Variants in SATL1 observed in about 807,000 individuals in gnomAD.
The protein encoded by SATL1 is spermidine/spermine N1-acetyl transferase like 1, also known as spermidine/spermine N(1)-acetyltransferase-like protein 1.
SATL1 carries 47 observed loss-of-function variants against 51.8 expected under a neutral mutation model. The observed-to-expected ratio is 0.91, with a 90% CI of 0.72 to 1.16. The LOEUF is 1.16. Among genes scored for constraint, SATL1 ranks in the 50% most tolerant of loss-of-function variants. The pLI is 0.00. For synonymous variants in SATL1, 176 were observed against 182.4 expected, an observed-to-expected ratio of 0.97 and a Z score of 0.28; for missense variants, 520 against 526.4, an observed-to-expected ratio of 0.99 and a Z score of 0.12.
intron 2 of SATL1, among the ~76,000 whole-genome samples, chrX:85,132,773 C>A (rs1925843110): frequency 8.9e-6 from 1 of 112,083 alleles, no homozygotes; most frequent in East Asian, 2.8e-4. Flanking sequence ...TCTGGTTTCT[C>A]CTCATCTTTG....
chrX:85,212,992 T>G (rs892894405), intron 2 of SATL1: 1 of 112,068 alleles, frequency 8.9e-6, no homozygotes, highest in Non-Finnish European at 1.9e-5. Flanking sequence ...AAGTTTAGTT[T>G]ATATGACTCA....
intron 2 of SATL1, among the ~76,000 whole-genome samples, chrX:85,169,106 A>G (rs746138127): frequency 8.9e-6 from 1 of 112,558 alleles, no homozygotes; most frequent in South Asian, 3.6e-4. Context: ...CTTACACCAT[A>G]CACAAAAATA....
At chrX:85,130,908 A>G (rs952461746) in intron 2 of SATL1, among the ~76,000 whole-genome samples, 1 of 111,768 alleles carries the variant, frequency 8.9e-6, no homozygotes, top group Non-Finnish European at 1.9e-5. Flanking sequence ...TTATTTACCC[A>G]GTAGTCATTT....
chrX:85,153,929 T>C (rs1294808619), intron 2 of SATL1: 4 of 111,845 alleles, frequency 3.6e-5, no homozygotes, highest in Admixed American at 2.9e-4. Flanking sequence ...AATTTCTAAA[T>C]ACCTTGAGAA....
intron 2 of SATL1, among the ~76,000 whole-genome samples, chrX:85,149,858 A>G (rs1164064380): frequency 1.8e-5 from 2 of 112,211 alleles, no homozygotes; most frequent in African/African-American, 6.5e-5. Flanking sequence ...CACAAGAGAA[A>G]GCAGGAAAGA....
At chrX:85,166,670 T>G (rs1233998413) in intron 2 of SATL1, among the ~76,000 whole-genome samples, 1 of 110,680 alleles carries the variant, frequency 9.0e-6, no homozygotes. Flanking sequence ...ACTTTTACAC[T>G]GCTGGTGGAA....
chrX:85,170,000 A>C (rs747385271), intron 2 of SATL1, among the ~76,000 whole-genome samples: 1 of 111,561 alleles, frequency 9.0e-6, no homozygotes, highest in East Asian at 2.8e-4. Flanking sequence ...CATTATCCTT[A>C]GCAAACTAAT....
chrX:85,196,664 A>G (rs1927568909), intron 2 of SATL1, among the ~76,000 whole-genome samples: 1 of 111,940 alleles, frequency 8.9e-6, no homozygotes, highest in Non-Finnish European at 1.9e-5. Context: ...ATGGAGTAGA[A>G]CTGAGAGTTC....
At chrX:85,174,917 G>A (rs1215006364) in intron 2 of SATL1, among the ~76,000 whole-genome samples, 5 of 111,458 alleles carry the variant, frequency 4.5e-5, no homozygotes, top group African/African-American at 1.6e-4. Context: ...AACCTATATG[G>A]TACGGAGGCA....
rs757485121 is a variant in SATL1, at chrX:85,109,113, C to T, written c.-145G>A. Reference sequence around the variant, plus strand: ...AGGTTGTTGGCTGTTCCCAGTTCTTCTCAATTTGATTCGCCCACTTTGAGA... The same window carrying T: ...AGGTTGTTGGCTGTTCCCAGTTCTTTTCAATTTGATTCGCCCACTTTGAGA... On this transcript the variant is annotated 5_prime_UTR_variant, in exon 3 of 8. Transcript: ENST00000644105. 2 of 547,919 alleles carry T rather than the reference C, an allele frequency of 3.7e-6. No homozygotes were observed. Among genetic ancestry groups the T allele is most frequent in the Non-Finnish European group, 5.7e-6 (2 of 347,928 alleles). 45.2% of individuals were successfully genotyped at this position (547,919 alleles called of 1,213,427 possible).
chrX:85,140,748 C>A (rs1200860275), intron 2 of SATL1, among the ~76,000 whole-genome samples: 1 of 111,702 alleles, frequency 9.0e-6, no homozygotes. Context: ...CTACTGTTCC[C>A]AATGTGTACA....
chrX:85,214,891 G>A (rs1477116308), intron 2 of SATL1, among the ~76,000 whole-genome samples: 13 of 111,956 alleles, frequency 1.2e-4, no homozygotes. Flanking sequence ...GGTGGGCTGT[G>A]AAGACCTCAA....
Position 85,108,132 on chromosome X carries a change from C to T in SATL1, c.837G>A (p.Trp279Ter). The T allele has an allele frequency of 8.3e-7, 1 of 1,211,703 alleles. No homozygotes were observed. Residue 279 changes from tryptophan to a stop codon, truncating the protein, a stop_gained, in exon 3 of 8, where the codon TGG (tryptophan) becomes TGA (stop). Transcript: ENST00000644105. LOFTEE classifies it high-confidence loss of function. ...LGMNQMDMNQ[W>*]SASLYEMNQV... ...GGTTCATTTCATATAGGCTTGCACT[C>T]CATTGGTTCATGTCCATTTGGTTCA...
intron 2 of SATL1, among the ~76,000 whole-genome samples, chrX:85,186,863 T>C (rs759277557): frequency 8.9e-6 from 1 of 111,998 alleles, no homozygotes; most frequent in East Asian, 2.8e-4. Context: ...AGTTGTTCAA[T>C]TTGGTGTTCT....
chrX:85,207,556 C>T (rs1198209690), intron 2 of SATL1: 1 of 111,770 alleles, frequency 8.9e-6, no homozygotes, highest in Non-Finnish European at 1.9e-5. Flanking sequence ...CTTTCCTACA[C>T]TTATGTCCTA....
At chrX:85,196,045 C>A in intron 2 of SATL1, among the ~76,000 whole-genome samples, 1 of 109,474 alleles carries the variant, frequency 9.1e-6, no homozygotes, top group Non-Finnish European at 1.9e-5. Context: ...CCATACCAGC[C>A]ATGGAGTTGA....
chrX:85,117,577 G>C (rs749101122), intron 2 of SATL1: 2 of 110,959 alleles, frequency 1.8e-5, no homozygotes, highest in South Asian at 7.7e-4. Flanking sequence ...AAGGAAGAGA[G>C]AGAGAAAGGG....
intron 2 of SATL1, among the ~76,000 whole-genome samples, chrX:85,151,980 C>A (rs1442369804): frequency 8.2e-5 from 9 of 109,748 alleles, no homozygotes; most frequent in Non-Finnish European, 5.7e-5. Flanking sequence ...TCTAATTAAA[C>A]TAAAGAGCTT....
chrX:85,186,709 T>C (rs1333815176), intron 2 of SATL1, among the ~76,000 whole-genome samples: 2 of 112,000 alleles, frequency 1.8e-5, no homozygotes, highest in Admixed American at 9.5e-5. Context: ...GCTGCAGGAA[T>C]CCTGGATGGG....
Sources: allele counts gnomAD v4.1 joint callset (sites outside exome capture counted in the v4.1 genomes callset), GRCh38; gene constraint gnomAD v4.1.1; transcripts MANE v1.5; gene names NCBI Gene and HGNC (gene_info 2026-07-23, HGNC 2026-07-21).